The following CDH4 variants were observed in gnomAD, a reference collection of about 807,000 sequenced individuals.
The protein encoded by CDH4 is cadherin-4.
Under a neutral mutation model 86.0 loss-of-function variants are expected in CDH4, and 33 were observed. The observed-to-expected ratio is 0.38, with a 90% CI of 0.29 to 0.51. The LOEUF is 0.51. Among genes scored for constraint, CDH4 ranks in the 20% least tolerant of loss-of-function variants. CDH4 has a pLI of 0.86. For synonymous variants in CDH4, 555 were observed against 549.4 expected, an observed-to-expected ratio of 1.01 and a Z score of -0.14; for missense variants, 1,114 against 1,307.4, an observed-to-expected ratio of 0.85 and a Z score of 2.28.
chr20:61,265,475 A>AT (rs2084153368), intron 2 of CDH4, among the ~76,000 whole-genome samples: 6 of 151,056 alleles, frequency 4.0e-5, no homozygotes, highest in South Asian at 2.1e-4. Flanking sequence ...AATCTTACAC[A>AT]GACCTCAGTG....
intron 2 of CDH4, among the ~76,000 whole-genome samples, chr20:61,631,697 CT>C (rs2086890191): frequency 6.6e-6 from 1 of 152,210 alleles, no homozygotes. Context: ...AGGTGCACCT[CT>C]GAGATTCTGA....
chr20:61,790,759 T>C (rs912496152), intron 4 of CDH4, among the ~76,000 whole-genome samples: 1 of 147,692 alleles, frequency 6.8e-6, no homozygotes, highest in African/African-American at 2.5e-5. Flanking sequence ...CATTTATCTA[T>C]CCATCTATCC....
chr20:61,671,539 G>A (rs1435654777), intron 2 of CDH4, among the ~76,000 whole-genome samples: 2 of 152,028 alleles, frequency 1.3e-5, no homozygotes, highest in African/African-American at 4.8e-5. Context: ...ACAAATGGAT[G>A]GATGGATGAT....
intron 2 of CDH4, chr20:61,570,586 T>G (rs2086334464): frequency 1.4e-6 from 1 of 690,130 alleles, no homozygotes; most frequent in African/African-American, 1.8e-5. Context: ...TTTACCCCAT[T>G]GCTCTGCCCT....
chr20:61,457,549 GTGATGA>G (rs199637792), intron 2 of CDH4, among the ~76,000 whole-genome samples: 1 of 151,870 alleles, frequency 6.6e-6, no homozygotes, highest in South Asian at 2.1e-4. Flanking sequence ...GGTGATAGTA[GTGATGA>G]TGGTGATGCT....
At chr20:61,706,487 G>A (rs548838787) in intron 2 of CDH4, among the ~76,000 whole-genome samples, 31 of 152,314 alleles carry the variant, frequency 2.0e-4, no homozygotes, top group African/African-American at 6.7e-4. Context: ...GTAGCCAAAG[G>A]CAGCTGTTCA....
intron 5 of CDH4, among the ~76,000 whole-genome samples, 189 bp downstream of exon 5, chr20:61,845,012 T>G (rs1306272182): frequency 6.6e-6 from 1 of 152,240 alleles, no homozygotes; most frequent in Non-Finnish European, 1.5e-5. Flanking sequence ...CCCCGTCTAA[T>G]TCAGCAGGGT....
chr20:61,509,841 C>T (rs181175394), intron 2 of CDH4, among the ~76,000 whole-genome samples: 6 of 152,262 alleles, frequency 3.9e-5, no homozygotes, highest in Admixed American at 1.3e-4. Context: ...TGGATTTCCA[C>T]TGGCAGATGC....
intron 2 of CDH4, among the ~76,000 whole-genome samples, chr20:61,563,412 C>T (rs1276363484): frequency 6.6e-6 from 1 of 152,224 alleles, no homozygotes; most frequent in Non-Finnish European, 1.5e-5. Context: ...CAATGTCTCC[C>T]TCCTTCTCCC....
At chr20:61,921,130 G>T (rs973622082) in intron 9 of CDH4, among the ~76,000 whole-genome samples, 1 of 150,272 alleles carries the variant, frequency 6.7e-6, no homozygotes, top group Non-Finnish European at 1.5e-5. Context: ...CACGGTGATT[G>T]TGTGGAAGCG....
At chr20:61,928,455 G>C (rs1472477022) in intron 12 of CDH4, 32 bp downstream of exon 12, 4 of 1,595,022 alleles carry the variant, frequency 2.5e-6, no homozygotes, top group East Asian at 2.2e-5. Flanking sequence ...GGGAGGGTCA[G>C]ACTAGCCTGG....
intron 4 of CDH4, among the ~76,000 whole-genome samples, chr20:61,820,956 G>T (rs1423616758): frequency 6.6e-6 from 1 of 152,078 alleles, no homozygotes; most frequent in Non-Finnish European, 1.5e-5. Flanking sequence ...ATCCTGTTGT[G>T]TCCTGGGCTC....
At chr20:61,894,875 T>A in intron 7 of CDH4, 35 bp from the exon 8 acceptor site, 4 of 1,591,254 alleles carry the variant, frequency 2.5e-6, no homozygotes, top group Non-Finnish European at 3.4e-6. Flanking sequence ...CCAAACTGAT[T>A]TTCTGTTCTT....
intron 2 of CDH4, among the ~76,000 whole-genome samples, chr20:61,375,600 CATAGCACTGGTGGT>C (rs1204407973): frequency 2.1e-5 from 1 of 47,766 alleles, no homozygotes; most frequent in Non-Finnish European, 3.8e-5. Flanking sequence ...TGGTGGTGGT[CATAGCACTGGTGGT>C]GATGGTATGG....
chr20:61,771,679 G>T (rs1024911977), intron 3 of CDH4, among the ~76,000 whole-genome samples: 2 of 150,544 alleles, frequency 1.3e-5, no homozygotes, highest in South Asian at 2.1e-4. Context: ...TGTATGCTTT[G>T]GTGCTATTTC....
At chr20:61,840,896 C>A (rs1342704987) in intron 4 of CDH4, among the ~76,000 whole-genome samples, 1 of 152,248 alleles carries the variant, frequency 6.6e-6, no homozygotes. Context: ...GCCAAACGGG[C>A]CTGGAGAATA....
intron 6 of CDH4, among the ~76,000 whole-genome samples, chr20:61,858,600 G>A (rs939190604): frequency 2.0e-5 from 3 of 152,164 alleles, no homozygotes; most frequent in Non-Finnish European, 4.4e-5. Context: ...CCTAACCTGT[G>A]GCAACCACGA....
intron 2 of CDH4, among the ~76,000 whole-genome samples, chr20:61,327,028 C>T (rs1170957353): frequency 6.6e-6 from 1 of 152,136 alleles, no homozygotes; most frequent in East Asian, 1.9e-4. Context: ...CAAGATTACC[C>T]CTTACTCTTC....
intron 2 of CDH4, among the ~76,000 whole-genome samples, chr20:61,394,134 C>T (rs560795088): frequency 3.9e-5 from 6 of 152,232 alleles, no homozygotes; most frequent in East Asian, 1.9e-4. Context: ...GATGTTGGTT[C>T]GTGTCTCAGG....
Sources: gnomAD v4.1 joint callset for allele counts (sites outside exome capture counted in the v4.1 genomes callset) on GRCh38, gnomAD v4.1.1 for gene constraint, MANE v1.5 for transcripts, NCBI Gene and HGNC (gene_info 2026-07-23, HGNC 2026-07-21) for gene names.